Variants in SMARCA4 observed in about 807,000 individuals in gnomAD.
SMARCA4 encodes the protein SWI/SNF related BAF chromatin remodeling complex subunit ATPase 4.
A neutral mutation model predicts 193.9 loss-of-function variants in SMARCA4; 31 were observed. The ratio of observed to expected loss-of-function variants is 0.16; its 90% CI spans 0.12 to 0.22. The LOEUF is 0.22. Ranked by LOEUF, SMARCA4 falls within the 10% of genes least tolerant of loss-of-function variation. SMARCA4 has a pLI of 1.00. For synonymous variants in SMARCA4, 942 were observed against 933.1 expected (o/e 1.01, Z -0.17); for missense variants, 1,148 against 2,296.0 (o/e 0.50, Z 10.22).
Position 11,058,572 on chromosome 19 carries a change from G to A in SMARCA4, c.4533+209G>A, listed in dbSNP as rs767763369. ...TCCTGAGGGATGTCAGTGGGCAGTC[G>A]GTGTTGGGTGTTCCTTCAAGGTCCC... On this transcript the variant is annotated intron_variant, in intron 31 of 34. Coordinates refer to ENST00000344626, the MANE Select transcript of SMARCA4 (RefSeq NM_003072.5). This position sits in a 1 kb window ranked among gnomAD's most constrained non-coding sequence, Gnocchi z 5.8. Among the ~76,000 whole-genome samples, 2 of 152,132 alleles carry A rather than the reference G, an allele frequency of 1.3e-5. No homozygotes were observed. The highest frequency in any genetic ancestry group is 2.4e-5 in the African/African-American group (1 of 41,412).
chr19:11,061,763 C>A (rs370100800), intron 34 of SMARCA4, 21 bp from the exon 35 acceptor site: 2 of 1,612,872 alleles, frequency 1.2e-6, no homozygotes, highest in African/African-American at 2.7e-5. Context: ...CGCACACTCT[C>A]TCCTCCTGTC....
chr19:10,994,799 TCA>T (rs752482586), intron 8 of SMARCA4, 27 bp from the exon 9 acceptor site: 25 of 1,607,500 alleles, frequency 1.6e-5, no homozygotes, highest in Non-Finnish European at 1.9e-5. Flanking sequence ...TGCTGAAGGG[TCA>T]GCCTTCTCTT....
intron 16 of SMARCA4, chr19:11,018,433 C>T: frequency 3.6e-6 from 1 of 280,498 alleles, no homozygotes; most frequent in Non-Finnish European, 7.0e-6. Context: ...CCGCTCCCTC[C>T]CATCCCTGTC....
chr19:10,995,088 A>C, intron 9 of SMARCA4, 87 bp downstream of exon 9: 1 of 1,292,474 alleles, frequency 7.7e-7, no homozygotes, highest in East Asian at 2.5e-5. Flanking sequence ...GGTTACGCCA[A>C]GGCATTTCAC....
At chr19:10,974,153 T>G (rs2084909451) in intron 1 of SMARCA4, among the ~76,000 whole-genome samples, 1 of 152,128 alleles carries the variant, frequency 6.6e-6, no homozygotes, top group Admixed American at 6.6e-5. Context: ...CAAACAGATT[T>G]CCAAGGGATC....
chr19:10,976,015 C>T (rs547508717), intron 1 of SMARCA4, among the ~76,000 whole-genome samples: 6 of 152,312 alleles, frequency 3.9e-5, no homozygotes, highest in Non-Finnish European at 8.8e-5. Flanking sequence ...GTGTGGCCTC[C>T]TGGTCTGCAA....
At chr19:11,011,042 G>T in intron 15 of SMARCA4, 1 of 227,538 alleles carries the variant, frequency 4.4e-6, no homozygotes, top group African/African-American at 2.2e-5. Flanking sequence ...TCCTGTGTGA[G>T]GGTGAAAAGT....
intron 29 of SMARCA4, among the ~76,000 whole-genome samples, chr19:11,036,350 TGG>T (rs1375936466): frequency 6.6e-6 from 1 of 152,190 alleles, no homozygotes; most frequent in Non-Finnish European, 1.5e-5. Flanking sequence ...CTCCAGTTCC[TGG>T]GGGCTCAAGT....
At chr19:11,060,256 A>C (rs2147130402) in intron 34 of SMARCA4, 69 bp downstream of exon 34, 1 of 1,531,130 alleles carries the variant, frequency 6.5e-7, no homozygotes, top group Non-Finnish European at 8.8e-7. Context: ...CTGATGGGAC[A>C]GCCCTGTGGG....
chr19:10,968,176 C>T (rs1413258393), intron 1 of SMARCA4, among the ~76,000 whole-genome samples: 10 of 152,232 alleles, frequency 6.6e-5, no homozygotes, highest in Admixed American at 3.3e-4. Flanking sequence ...TTAGTAGAGA[C>T]GGGGTTTCTC....
intron 18 of SMARCA4, 144 bp from the exon 19 acceptor site, chr19:11,021,581 C>A: frequency 9.7e-7 from 1 of 1,025,928 alleles, no homozygotes; most frequent in Non-Finnish European, 1.5e-6. Flanking sequence ...AGCCCCGGGG[C>A]AGGACGTCAG....
intron 13 of SMARCA4, among the ~76,000 whole-genome samples, chr19:11,003,835 C>T (rs1204201664): frequency 3.3e-5 from 5 of 151,540 alleles, no homozygotes; most frequent in African/African-American, 1.2e-4. Flanking sequence ...CCTCAGCCTC[C>T]CAAGTAGCTG....
At position 10,969,453 on chromosome 19, in the gene SMARCA4, A is replaced by G. The variant is rs190345399; in HGVS notation, c.-32+8279A>G. ...TCTTTTTTTTTTCTTTTTTTGAGAC[A>G]GAGTTTGTCTCTTGTTGCCCAGGCT... On this transcript the variant is annotated intron_variant, in intron 1 of 34. Transcript: ENST00000344626. 7.2e-4 allele frequency among the ~76,000 whole-genome samples: 108 copies of G among 150,090 alleles called. 2 individuals are homozygous for G. The East Asian group carries it at 0.02, about 27-fold the overall frequency.
intron 1 of SMARCA4, among the ~76,000 whole-genome samples, chr19:10,965,941 G>A (rs968375046): frequency 8.8e-5 from 13 of 147,108 alleles, no homozygotes; most frequent in Non-Finnish European, 1.8e-4. Flanking sequence ...ATAAGGCATT[G>A]GAAAAGGGAG....
intron 30 of SMARCA4, among the ~76,000 whole-genome samples, chr19:11,049,303 G>A (rs1485707942): frequency 2.0e-5 from 3 of 152,168 alleles, no homozygotes; most frequent in African/African-American, 7.2e-5. Flanking sequence ...TTGGTGGTTT[G>A]AAATCTCAAA....
chr19:11,058,825 A>G lies in SMARCA4; in HGVS notation c.4571A>G (p.Asp1524Gly), dbSNP rs1298985894. ...AACCACAAGTACCGCAGCCTCAACG[A>G]CCTAGAGAAGGACGTCATGCTCCTG... ...IRNHKYRSLN[D>G]LEKDVMLLCQ... Residue 1524 changes from aspartate to glycine, a missense_variant, in exon 32 of 35, where the codon GAC becomes GGC. Transcript: ENST00000344626. The surrounding 1 kb of genome is among the most constrained non-coding windows in gnomAD (Gnocchi z 5.8). The G allele has an allele frequency of 6.2e-7, 1 of 1,614,094 alleles. No individual in the cohort carries two copies. Among genetic ancestry groups the G allele is most frequent in the South Asian group, 1.1e-5 (1 of 91,076 alleles).
At chr19:11,047,202 G>A (rs539787224) in intron 30 of SMARCA4, among the ~76,000 whole-genome samples, 1 of 152,226 alleles carries the variant, frequency 6.6e-6, no homozygotes, top group African/African-American at 2.4e-5. Context: ...ATTTATTACA[G>A]TGCAAGGCTA....
intron 13 of SMARCA4, among the ~76,000 whole-genome samples, chr19:11,007,522 T>C (rs1394847428): frequency 1.3e-5 from 2 of 151,636 alleles, no homozygotes; most frequent in African/African-American, 2.4e-5. Context: ...GAGGATTGCT[T>C]GAGCCCAGGA....
At chr19:10,971,193 T>A (rs146564142) in intron 1 of SMARCA4, among the ~76,000 whole-genome samples, 98 of 151,900 alleles carry the variant, frequency 6.5e-4, no homozygotes, top group African/African-American at 2.3e-3. Flanking sequence ...TGAAACTTCA[T>A]CTCAAAGAAA....
Sources: gnomAD v4.1 joint callset for allele counts (sites outside exome capture counted in the v4.1 genomes callset) on GRCh38, gnomAD v4.1.1 for gene constraint, Gnocchi (gnomAD v3.1) non-coding constraint, MANE v1.5 for transcripts, NCBI Gene and HGNC (gene_info 2026-07-23, HGNC 2026-07-21) for gene names.